MYRIP: variants seen among roughly 807,000 people sequenced by gnomAD.
MYRIP encodes myosin VIIA and Rab interacting protein.
Under a neutral mutation model 98.0 loss-of-function variants are expected in MYRIP, and 49 were observed. That is an observed-to-expected ratio of 0.50 (90% CI 0.40 to 0.63). MYRIP has a LOEUF of 0.63. MYRIP is among the 30% of genes least tolerant of loss of function. The pLI, the probability that MYRIP is intolerant of heterozygous loss-of-function variation, is 0.00. For missense variants in MYRIP, 1,004 were observed against 1,058.2 expected, an observed-to-expected ratio of 0.95 and a Z score of 0.71; for synonymous variants, 404 against 409.5, an observed-to-expected ratio of 0.99 and a Z score of 0.16.
intron 2 of MYRIP, among the ~76,000 whole-genome samples, chr3:39,915,247 C>A (rs1433232379): frequency 2.0e-5 from 3 of 151,992 alleles, no homozygotes; most frequent in Non-Finnish European, 4.4e-5. Context: ...TAGTAAAAAA[C>A]ACAAACTAAA....
At chr3:39,878,192 G>A (rs1024712668) in intron 1 of MYRIP, among the ~76,000 whole-genome samples, 26 of 152,226 alleles carry the variant, frequency 1.7e-4, no homozygotes, top group African/African-American at 6.0e-4. Flanking sequence ...TTTTAGGCCT[G>A]TCGGAGAAGC....
rs148841636 is a variant in MYRIP at position 40,038,237 on chromosome 3, G to T, written c.111-5813G>T. 2.5e-3 allele frequency among the ~76,000 whole-genome samples: 385 copies of T among 152,188 alleles called. 3 individuals are homozygous for T. Among genetic ancestry groups the T allele is most frequent in the African/African-American group, 8.8e-3 (365 of 41,552 alleles). On this transcript the variant is annotated intron_variant, in intron 2 of 16. Transcript: ENST00000302541. ...TAAAAAAATTTCTTATTTAAAACCTGCAAGGTACAACAAAAATGATGTGTT... is the reference window on the plus strand; with the variant it reads ...TAAAAAAATTTCTTATTTAAAACCTTCAAGGTACAACAAAAATGATGTGTT...
intron 5 of MYRIP, among the ~76,000 whole-genome samples, chr3:40,164,019 ACACTCAGATTT>A (rs1950452991): frequency 6.6e-6 from 1 of 152,040 alleles, no homozygotes; most frequent in South Asian, 2.1e-4. Context: ...CCAGAGTTCT[ACACTCAGATTT>A]CTAATGCTTG....
At chr3:39,861,372 C>T (rs933010760) in intron 1 of MYRIP, among the ~76,000 whole-genome samples, 1 of 152,082 alleles carries the variant, frequency 6.6e-6, no homozygotes, top group African/African-American at 2.4e-5. Context: ...GATTAAAGGA[C>T]CATCAGCCCA....
chr3:39,870,521 TTTTTC>T, intron 1 of MYRIP, among the ~76,000 whole-genome samples: 1 of 152,078 alleles, frequency 6.6e-6, no homozygotes, highest in Non-Finnish European at 1.5e-5. Context: ...AATAAAGTCT[TTTTTC>T]TTTTTTTTTG....
chr3:39,986,298 A>T (rs1946029559), intron 2 of MYRIP, among the ~76,000 whole-genome samples: 1 of 151,746 alleles, frequency 6.6e-6, no homozygotes, highest in African/African-American at 2.4e-5. Context: ...TGCTACTTTG[A>T]TCTCTTTTTC....
chr3:40,193,012 C>T (rs954037589), intron 10 of MYRIP, among the ~76,000 whole-genome samples: 6 of 152,174 alleles, frequency 3.9e-5, no homozygotes, highest in Admixed American at 3.9e-4. Flanking sequence ...TGGGATCCAA[C>T]CAGTTTTTGT....
At chr3:39,994,814 C>A (rs1006543733) in intron 2 of MYRIP, among the ~76,000 whole-genome samples, 8 of 152,190 alleles carry the variant, frequency 5.3e-5, no homozygotes, top group African/African-American at 1.7e-4. Context: ...ACACCTCACA[C>A]GACTGGGTAC....
At chr3:39,994,214 G>A (rs952892971) in intron 2 of MYRIP, among the ~76,000 whole-genome samples, 8 of 152,228 alleles carry the variant, frequency 5.3e-5, no homozygotes, top group African/African-American at 1.4e-4. Flanking sequence ...TGCAGCACAC[G>A]GAGCATGAGC....
At chr3:39,930,779 A>G (rs1384500063) in intron 2 of MYRIP, among the ~76,000 whole-genome samples, 4 of 152,196 alleles carry the variant, frequency 2.6e-5, no homozygotes, top group Non-Finnish European at 4.4e-5. Context: ...TATTGAAAAG[A>G]CTACTGTTCC....
At chr3:39,873,025 C>T (rs980299495) in intron 1 of MYRIP, among the ~76,000 whole-genome samples, 17 of 152,180 alleles carry the variant, frequency 1.1e-4, no homozygotes, top group Non-Finnish European at 2.2e-4. Flanking sequence ...TTAATGATTG[C>T]CATCCTAACT....
chr3:40,110,785 C>T (rs1949141399), intron 3 of MYRIP, among the ~76,000 whole-genome samples: 1 of 152,126 alleles, frequency 6.6e-6, no homozygotes, highest in Non-Finnish European at 1.5e-5. Context: ...TCCTCTCTTC[C>T]TGACCTCCCT....
At chr3:39,894,070 G>A (rs1943548321) in intron 1 of MYRIP, among the ~76,000 whole-genome samples, 1 of 152,060 alleles carries the variant, frequency 6.6e-6, no homozygotes, top group Non-Finnish European at 1.5e-5. Flanking sequence ...ATCACTCAAA[G>A]ATAACTGTTG....
intron 1 of MYRIP, among the ~76,000 whole-genome samples, chr3:39,860,845 T>G (rs1942448209): frequency 6.6e-6 from 1 of 152,234 alleles, no homozygotes; most frequent in African/African-American, 2.4e-5. Flanking sequence ...TGTAGGCATG[T>G]ATACCCCACT....
At chr3:39,935,772 A>C (rs1478814550) in intron 2 of MYRIP, among the ~76,000 whole-genome samples, 1 of 152,140 alleles carries the variant, frequency 6.6e-6, no homozygotes, top group African/African-American at 2.4e-5. Flanking sequence ...TATGGAGTTG[A>C]AGGTGAAGGT....
intron 2 of MYRIP, among the ~76,000 whole-genome samples, chr3:40,017,826 G>T (rs1946901044): frequency 6.6e-6 from 1 of 150,570 alleles, no homozygotes; most frequent in African/African-American, 2.4e-5. Flanking sequence ...GAATCAATTT[G>T]GTTTTCAGTT....
Position 40,096,176 on chromosome 3 carries a change from C to T in MYRIP, c.332+51905C>T, listed in dbSNP as rs537838810. On this transcript the variant is annotated intron_variant, in intron 3 of 16. Transcript: ENST00000302541. The stretch of plus-strand genomic sequence containing the variant: ...CTCTAGATATACCCGAGATGGCAGT[C>T]AAATCCTAAACCGGTGTTCCATCCT... Among the ~76,000 whole-genome samples, 6 of 152,116 alleles carry T rather than the reference C, an allele frequency of 3.9e-5. No individual in the cohort carries two copies. In the East Asian group the frequency reaches 1.2e-3, roughly 30 times the overall value.
At chr3:39,975,758 A>G (rs1206842718) in intron 2 of MYRIP, among the ~76,000 whole-genome samples, 1 of 152,216 alleles carries the variant, frequency 6.6e-6, no homozygotes, top group Non-Finnish European at 1.5e-5. Flanking sequence ...AGCTACAACC[A>G]TCTGATCTTT....
At chr3:40,188,479 G>GAAAA (rs35216480) in intron 9 of MYRIP, among the ~76,000 whole-genome samples, 2 of 137,654 alleles carry the variant, frequency 1.5e-5, no homozygotes, top group African/African-American at 5.3e-5. Flanking sequence ...TGGTTAAAAG[G>GAAAA]AAAAAAAAAA....
Sources: gnomAD v4.1 joint callset for allele counts (sites outside exome capture counted in the v4.1 genomes callset) on GRCh38, gnomAD v4.1.1 for gene constraint, MANE v1.5 for transcripts, NCBI Gene and HGNC (gene_info 2026-07-23, HGNC 2026-07-21) for gene names.